Variants in PTPRN2 observed in about 807,000 individuals in gnomAD.
The protein encoded by PTPRN2 is receptor-type tyrosine-protein phosphatase N2.
Under a neutral mutation model 118.8 loss-of-function variants are expected in PTPRN2, and 74 were observed. The ratio of observed to expected loss-of-function variants is 0.62; its 90% CI spans 0.52 to 0.76. The LOEUF (loss-of-function observed/expected upper bound fraction) is 0.76, where lower values mean the gene tolerates loss of function less well. Ranked by LOEUF, PTPRN2 falls within the 30% of genes least tolerant of loss-of-function variation. PTPRN2 has a pLI of 0.00. For synonymous variants in PTPRN2, 641 were observed against 608.0 expected (o/e 1.05, Z -0.80); for missense variants, 1,481 against 1,394.4 (o/e 1.06, Z -0.99).
chr7:158,485,703 C>T (rs1385440786), intron 2 of PTPRN2, among the ~76,000 whole-genome samples: 5 of 151,932 alleles, frequency 3.3e-5, no homozygotes, highest in Non-Finnish European at 5.9e-5. Context: ...TCATGTGCCT[C>T]CTTCCCACCT....
chr7:157,839,463 CTGTG>C (rs1181436578), intron 12 of PTPRN2, among the ~76,000 whole-genome samples: 2 of 150,728 alleles, frequency 1.3e-5, no homozygotes, highest in Admixed American at 6.6e-5. Flanking sequence ...GGTTGTGTGA[CTGTG>C]TGGGAGTGTA....
In PTPRN2 at chr7:158,018,612, C is replaced by T. The variant is rs567748275; in HGVS notation, c.1723+62686G>A. ...AGTGGCTGCCTCGGTGTACTGTTAC[C>T]GTATGTGGTAGAGACGGTTCCTAAC... On this transcript the variant is annotated intron_variant, in intron 11 of 22. Transcript: ENST00000389418. 6.6e-5 allele frequency among the ~76,000 whole-genome samples: 10 copies of T among 152,200 alleles called. No individual in the cohort carries two copies. The East Asian group carries it at 1.2e-3, about 18-fold the overall frequency.
At chr7:158,302,423 C>T (rs977728251) in intron 3 of PTPRN2, among the ~76,000 whole-genome samples, 2 of 152,256 alleles carry the variant, frequency 1.3e-5, no homozygotes, top group Non-Finnish European at 2.9e-5. Flanking sequence ...CTGCAGAGCA[C>T]CTCACAGGAT....
intron 12 of PTPRN2, among the ~76,000 whole-genome samples, chr7:157,762,651 G>A (rs1478529820): frequency 1.3e-5 from 2 of 150,878 alleles, no homozygotes; most frequent in East Asian, 2.0e-4. Flanking sequence ...GCTAGATGAC[G>A]AGTTAGTGGG....
intron 3 of PTPRN2, among the ~76,000 whole-genome samples, chr7:158,312,948 G>C (rs544781672): frequency 6.6e-6 from 1 of 151,908 alleles, no homozygotes; most frequent in Admixed American, 6.5e-5. Context: ...GAGTGTGCAG[G>C]GGTGTGTGCG....
intron 3 of PTPRN2, among the ~76,000 whole-genome samples, chr7:158,270,779 G>GGCCGCCCCCC (rs1563067139): frequency 6.0e-5 from 7 of 117,392 alleles, no homozygotes; most frequent in African/African-American, 1.6e-4. Flanking sequence ...CGTCCACCTG[G>GGCCGCCCCCC]ACCACCCCTC....
In PTPRN2 at chr7:157,810,544, ACGGGGACGGCGGGAC is replaced by A. The variant is rs1178944211; in HGVS notation, c.1788+88114_1788+88128del. 3.2e-4 allele frequency among the ~76,000 whole-genome samples: 35 copies of A among 110,596 alleles called. 9 individuals are homozygous for A. Among genetic ancestry groups the A allele is most frequent in the African/African-American group, 1.2e-3 (31 of 26,738 alleles). 72.6% of individuals were successfully genotyped at this position (110,596 alleles called of 152,430 possible). ...GCTGGGAGCTGGGTTCTCCACGGGGACGGGGACGGCGGGACTGCTGGGGGCTGGGCTCTCCATGGG... is the reference window on the plus strand; with the variant it reads ...GCTGGGAGCTGGGTTCTCCACGGGGATGCTGGGGGCTGGGCTCTCCATGGG... On this transcript the variant is annotated intron_variant, in intron 12 of 22. Transcript: ENST00000389418.
chr7:158,445,139 G>A (rs1337468749), intron 2 of PTPRN2, among the ~76,000 whole-genome samples: 2 of 152,202 alleles, frequency 1.3e-5, no homozygotes, highest in African/African-American at 4.8e-5. Flanking sequence ...CCCAGCCTCA[G>A]GGCTTTGTCT....
intron 3 of PTPRN2, among the ~76,000 whole-genome samples, chr7:158,252,036 T>C (rs975263264): frequency 6.6e-6 from 1 of 152,150 alleles, no homozygotes; most frequent in African/African-American, 2.4e-5. Context: ...GGCCTCCTCA[T>C]CGTCTGTGGG....
chr7:157,927,015 G>C (rs894754556), intron 11 of PTPRN2, among the ~76,000 whole-genome samples: 4 of 139,486 alleles, frequency 2.9e-5, no homozygotes, highest in African/African-American at 1.0e-4. Context: ...CGCGTCTTCT[G>C]GGACCCCAAA....
At chr7:157,677,107 C>T (rs535741241) in intron 13 of PTPRN2, among the ~76,000 whole-genome samples, 10 of 152,214 alleles carry the variant, frequency 6.6e-5, no homozygotes, top group Admixed American at 5.2e-4. Flanking sequence ...TCCTTTCCTG[C>T]GCCCCTCCTT....
At chr7:158,320,553 AGCGCCGGGTGGCGTCCGTGTTCCCACG>A (rs1223023195) in intron 2 of PTPRN2, among the ~76,000 whole-genome samples, 12 of 143,372 alleles carry the variant, frequency 8.4e-5, no homozygotes, top group African/African-American at 1.2e-4. Flanking sequence ...CGTCCTCGGC[AGCGCCGGGTGGCGTCCGTGTTCCCACG>A]TCCTCGGCAG....
intron 11 of PTPRN2, among the ~76,000 whole-genome samples, chr7:158,051,713 TA>T (rs1451671542): frequency 6.6e-6 from 1 of 152,248 alleles, no homozygotes; most frequent in African/African-American, 2.4e-5. Flanking sequence ...TCATTTTTTT[TA>T]GATGTGTTTT....
chr7:158,465,264 C>G (rs1819310756), intron 2 of PTPRN2, among the ~76,000 whole-genome samples: 1 of 152,222 alleles, frequency 6.6e-6, no homozygotes, highest in African/African-American at 2.4e-5. Flanking sequence ...GATTACTCCC[C>G]CAGAGACTGT....
chr7:158,340,821 T>A (rs1179052184), intron 2 of PTPRN2, among the ~76,000 whole-genome samples: 1 of 80,856 alleles, frequency 1.2e-5, no homozygotes, highest in Non-Finnish European at 2.5e-5. Context: ...CACATGTCAC[T>A]CACACCCACA....
At chr7:158,267,593 C>T (rs6976380) in intron 3 of PTPRN2, among the ~76,000 whole-genome samples, 22,323 of 152,140 alleles carry the variant, frequency 0.15, 1,973 homozygotes, top group East Asian at 0.23. Context: ...AGCATCTGAG[C>T]GGGATCACCG....
chr7:158,065,385 C>G (rs994008037), intron 11 of PTPRN2, among the ~76,000 whole-genome samples: 1 of 152,218 alleles, frequency 6.6e-6, no homozygotes, highest in East Asian at 1.9e-4. Context: ...AAGACTTACT[C>G]CAAAATGCAA....
intron 14 of PTPRN2, among the ~76,000 whole-genome samples, chr7:157,646,750 G>A (rs1179612243): frequency 6.6e-6 from 1 of 152,330 alleles, no homozygotes; most frequent in Middle Eastern, 3.4e-3. Flanking sequence ...GCTCTAGAAC[G>A]TCCCCTCAAG....
chr7:158,168,212 G>A (rs1393728516), intron 5 of PTPRN2, among the ~76,000 whole-genome samples: 1 of 152,222 alleles, frequency 6.6e-6, no homozygotes, highest in African/African-American at 2.4e-5. Flanking sequence ...ATACCGTGCT[G>A]TGTCACTTGC....
Sources: gnomAD v4.1 joint callset for allele counts (sites outside exome capture counted in the v4.1 genomes callset) on GRCh38, gnomAD v4.1.1 for gene constraint, MANE v1.5 for transcripts, NCBI Gene and HGNC (gene_info 2026-07-23, HGNC 2026-07-21) for gene names.